The following SP3 variants were observed in gnomAD, a reference collection of about 807,000 sequenced individuals.
SP3 encodes the protein Sp3 transcription factor.
A neutral mutation model predicts 70.3 loss-of-function variants in SP3; 10 were observed. The observed-to-expected ratio is 0.14, with a 90% confidence interval of 0.09 to 0.24. The LOEUF (loss-of-function observed/expected upper bound fraction) is 0.24, where lower values mean the gene tolerates loss of function less well. SP3 is among the 10% of genes least tolerant of loss of function. The pLI is 1.00. For synonymous variants in SP3, 402 were observed against 333.5 expected (o/e 1.21, Z -2.24); for missense variants, 825 against 914.6 (o/e 0.90, Z 1.26).
rs568359068 is a variant in SP3, at chr2:173,954,137, A to C, written c.1639+736T>G. Among the ~76,000 whole-genome samples the C allele has an allele frequency of 2.0e-5, 3 of 152,350 alleles. No homozygotes were observed. The East Asian group carries it at 5.8e-4, about 29-fold the overall frequency. On this transcript the variant is annotated intron_variant, in intron 4 of 6. Coordinates refer to ENST00000310015, the MANE Select transcript of SP3 (RefSeq NM_003111.5). ...AAAGTTCAGGATTTACTGCACAACA[A>C]AACATTCAATCAAATGTTATCTAGA...
chr2:173,942,585 A>C (rs1266756007), intron 4 of SP3, among the ~76,000 whole-genome samples: 1 of 152,162 alleles, frequency 6.6e-6, no homozygotes, highest in Non-Finnish European at 1.5e-5. Context: ...TCATCGAGTC[A>C]TATCTGTATA....
At chr2:173,924,012 A>C (rs1163723770) in intron 4 of SP3, among the ~76,000 whole-genome samples, 1 of 152,060 alleles carries the variant, frequency 6.6e-6, no homozygotes, top group African/African-American at 2.4e-5. Context: ...ATATAACTTC[A>C]CTAATGCTAA....
At chr2:173,949,601 GAGT>G (rs1315769537) in intron 4 of SP3, among the ~76,000 whole-genome samples, 1 of 152,108 alleles carries the variant, frequency 6.6e-6, no homozygotes, top group African/African-American at 2.4e-5. Context: ...GTACCCGATA[GAGT>G]AGGAGCCCAT....
In SP3 at chr2:173,956,161, T is replaced by A. The variant is rs199904185; in HGVS notation, c.351A>T (p.Thr117=). 46 of 1,614,042 alleles carry A rather than the reference T, an allele frequency of 2.8e-5. No individual in the cohort carries two copies. In the Middle Eastern group the frequency reaches 4.9e-4, roughly 17 times the overall value. Residue 117 remains threonine, a synonymous_variant, in exon 4 of 7, where the codon ACA becomes ACT. Coordinates refer to ENST00000310015, the MANE Select transcript of SP3 (RefSeq NM_003111.5). ...GATTACCAGCTTCATCTTTTATAGTTGTAGGTGTGGCTGACAAAACCTCCC... is the reference window on the plus strand; with the variant it reads ...GATTACCAGCTTCATCTTTTATAGTAGTAGGTGTGGCTGACAAAACCTCCC... ...NRWEVLSATP[T]TIKDEAGNLV...
rs943890063 is a variant in SP3, at chr2:173,903,124, C to A, written c.*6817G>T. Among the ~76,000 whole-genome samples the A allele has an allele frequency of 1.3e-5, 2 of 152,168 alleles. No individual in the cohort carries two copies. Among genetic ancestry groups the A allele is most frequent in the Admixed American group, 1.3e-4 (2 of 15,284 alleles). ...GGTGACTTAACAAGGTGAATTAACTCATTAATACAACAATAGTTGAAGACA... is the reference window on the plus strand; with the variant it reads ...GGTGACTTAACAAGGTGAATTAACTAATTAATACAACAATAGTTGAAGACA... On this transcript the variant is annotated 3_prime_UTR_variant, in exon 7 of 7. Coordinates refer to ENST00000310015, the MANE Select transcript of SP3 (RefSeq NM_003111.5).
Position 173,908,786 on chromosome 2 carries a change from AAG to A in SP3, c.*1153_*1154del, listed in dbSNP as rs1163421016. On this transcript the variant is annotated 3_prime_UTR_variant, in exon 7 of 7. Coordinates refer to ENST00000310015, the MANE Select transcript of SP3 (RefSeq NM_003111.5). The stretch of plus-strand genomic sequence containing the variant: ...ATATAAACAATAATTAAAAAATAAA[AAG>A]AAAATACAGCATAATAAAAAACATA... 6.6e-6 allele frequency: 1 copy of A among 152,406 alleles called. No individual in the cohort carries two copies. The highest frequency in any genetic ancestry group is 1.5e-5 in the Non-Finnish European group (1 of 67,880). 9.4% of individuals were successfully genotyped at this position (152,406 alleles called of 1,614,324 possible).
chr2:173,964,296 GGAGGGGAGAGACGAGGAGGGAGGGGT>G, intron 2 of SP3, 83 bp downstream of exon 2: 1 of 566,534 alleles, frequency 1.8e-6, no homozygotes, highest in South Asian at 2.0e-5. Context: ...GGAGTGGAGG[GGAGGGGAGAGACGAGGAGGGAGGGGT>G]GAGGCGAGGA....
At chr2:173,926,508 C>A (rs567452467) in intron 4 of SP3, among the ~76,000 whole-genome samples, 1 of 152,010 alleles carries the variant, frequency 6.6e-6, no homozygotes. Context: ...TCCTGTAGAA[C>A]GCACCAGAGG....
intron 6 of SP3, among the ~76,000 whole-genome samples, chr2:173,912,096 G>C (rs1329628638): frequency 1.3e-5 from 2 of 152,190 alleles, no homozygotes; most frequent in Non-Finnish European, 2.9e-5. Flanking sequence ...CGGGATTACA[G>C]GCATGGGCCA....
intron 6 of SP3, among the ~76,000 whole-genome samples, chr2:173,911,974 C>T (rs140937206): frequency 1.1e-4 from 17 of 152,100 alleles, no homozygotes; most frequent in African/African-American, 2.9e-4. Flanking sequence ...ACACACCATC[C>T]GCCCGGCTAT....
chr2:173,925,178 G>A lies in SP3; in HGVS notation c.1640-6393C>T, dbSNP rs145511290. 6.1e-3 allele frequency among the ~76,000 whole-genome samples: 934 copies of A among 152,310 alleles called. 6 individuals are homozygous for A. Among genetic ancestry groups the A allele is most frequent in the South Asian group, 0.029 (141 of 4,830 alleles). On this transcript the variant is annotated intron_variant, in intron 4 of 6. Transcript: ENST00000310015. Reference sequence around the variant, plus strand: ...CACCCAAAGTGCTGGGATTACAGGCGTGAGCCACCACGCTCAGCCACATAT... The same window carrying A: ...CACCCAAAGTGCTGGGATTACAGGCATGAGCCACCACGCTCAGCCACATAT...
chr2:173,920,975 T>C (rs1402663220), intron 4 of SP3, among the ~76,000 whole-genome samples: 1 of 152,164 alleles, frequency 6.6e-6, no homozygotes, highest in East Asian at 1.9e-4. Context: ...GGGACATATA[T>C]GACTGAGTAC....
In SP3 at chr2:173,948,002, C is replaced by A. The variant is rs7557473; in HGVS notation, c.1639+6871G>T. Among the ~76,000 whole-genome samples the A allele has an allele frequency of 5.2e-3, 798 of 152,220 alleles. 3 individuals carry two copies. The highest frequency in any genetic ancestry group is 0.018 in the African/African-American group (763 of 41,512). ...GCATCATCGTCTCATCTCCGTAAATCTTCATTTAAGTCATACCTCAGGATA... is the reference window on the plus strand; with the variant it reads ...GCATCATCGTCTCATCTCCGTAAATATTCATTTAAGTCATACCTCAGGATA... On this transcript the variant is annotated intron_variant, in intron 4 of 6. Coordinates refer to ENST00000310015, the MANE Select transcript of SP3 (RefSeq NM_003111.5).
At chr2:173,937,373 G>C (rs1451621005) in intron 4 of SP3, among the ~76,000 whole-genome samples, 1 of 152,086 alleles carries the variant, frequency 6.6e-6, no homozygotes, top group African/African-American at 2.4e-5. Context: ...ATAATGCAGG[G>C]AAATAGCCTA....
intron 4 of SP3, among the ~76,000 whole-genome samples, chr2:173,938,092 C>A (rs1466113331): frequency 6.6e-6 from 1 of 152,132 alleles, no homozygotes; most frequent in African/African-American, 2.4e-5. Flanking sequence ...GCTTCTGAAA[C>A]ATAATTCTTA....
chr2:173,962,131 CA>C (rs1174915038), intron 3 of SP3, among the ~76,000 whole-genome samples: 1 of 152,096 alleles, frequency 6.6e-6, no homozygotes, highest in African/African-American at 2.4e-5. Flanking sequence ...AACTTCCCTA[CA>C]AGTATATGGC....
chr2:173,918,436 T>C (rs566926901), intron 5 of SP3, among the ~76,000 whole-genome samples, 157 bp downstream of exon 5: 5 of 152,140 alleles, frequency 3.3e-5, no homozygotes, highest in Admixed American at 2.6e-4. Context: ...TCCAATTCCA[T>C]ATATTTTGTT....
rs927640661 is a variant in SP3, at chr2:173,903,484, A to G, written c.*6457T>C. On this transcript the variant is annotated 3_prime_UTR_variant, in exon 7 of 7. Transcript: ENST00000310015. ...AACTTTACTAAATGAATAAAGATGGAAAAAAACACACAGAGTTACTAGGAG... is the reference window on the plus strand; with the variant it reads ...AACTTTACTAAATGAATAAAGATGGGAAAAAACACACAGAGTTACTAGGAG... Among the ~76,000 whole-genome samples, 1 of 152,212 alleles carries G rather than the reference A, an allele frequency of 6.6e-6. No individual in the cohort carries two copies. The highest frequency in any genetic ancestry group is 1.9e-4 in the East Asian group (1 of 5,198).
chr2:173,951,291 G>A (rs1040900347), intron 4 of SP3, among the ~76,000 whole-genome samples: 2 of 152,136 alleles, frequency 1.3e-5, no homozygotes, highest in African/African-American at 4.8e-5. Flanking sequence ...TTTAGTCTCA[G>A]AACTCCTTTC....
Sources: allele counts gnomAD v4.1 joint callset (sites outside exome capture counted in the v4.1 genomes callset), GRCh38; gene constraint gnomAD v4.1.1; transcripts MANE v1.5; gene names NCBI Gene and HGNC (gene_info 2026-07-23, HGNC 2026-07-21).